ADAM28: variants seen among roughly 807,000 people sequenced by gnomAD.
The protein encoded by ADAM28 is disintegrin and metalloproteinase domain-containing protein 28.
In ADAM28, 105 loss-of-function variants were observed where a neutral mutation model predicts 101.2. The observed-to-expected ratio is 1.04, with a 90% CI of 0.89 to 1.22. The LOEUF is 1.22. ADAM28 is among the 50% of genes most tolerant of loss of function. The pLI, the probability that ADAM28 is intolerant of heterozygous loss-of-function variation, is 0.00. For missense variants in ADAM28, 1,028 were observed against 945.4 expected (o/e 1.09, Z -1.15); for synonymous variants, 322 against 310.6 (o/e 1.04, Z -0.39).
chr8:24,302,630 A>G (rs1285673652), intron 2 of ADAM28, among the ~76,000 whole-genome samples: 1 of 152,130 alleles, frequency 6.6e-6, no homozygotes, highest in Non-Finnish European at 1.5e-5. Context: ...AATAATCACC[A>G]TTCTGACTGG....
At chr8:24,331,588 G>A (rs140162764) in intron 12 of ADAM28, among the ~76,000 whole-genome samples, 36 of 151,824 alleles carry the variant, frequency 2.4e-4, no homozygotes, top group Admixed American at 7.2e-4. Context: ...TTGTGTCCTC[G>A]TCCCTCCCTT....
At chr8:24,314,039 G>A (rs1457058951) in intron 6 of ADAM28, among the ~76,000 whole-genome samples, 1 of 152,150 alleles carries the variant, frequency 6.6e-6, no homozygotes. Context: ...TTACAGGCAT[G>A]AGCCACCGCA....
chr8:24,336,980 C>T (rs1356216546), intron 14 of ADAM28, among the ~76,000 whole-genome samples: 1 of 152,118 alleles, frequency 6.6e-6, no homozygotes, highest in African/African-American at 2.4e-5. Context: ...AGAAACTTTT[C>T]ATAATTCCTG....
At chr8:24,345,053 C>T (rs1379249957) in intron 18 of ADAM28, among the ~76,000 whole-genome samples, 1 of 149,480 alleles carries the variant, frequency 6.7e-6, no homozygotes, top group African/African-American at 2.4e-5. Flanking sequence ...CAAGGCCAGA[C>T]TGATTTCTGT....
At chr8:24,325,844 T>C (rs1812466613) in intron 9 of ADAM28, among the ~76,000 whole-genome samples, 1 of 82,224 alleles carries the variant, frequency 1.2e-5, no homozygotes, top group South Asian at 3.7e-4. Flanking sequence ...CTAGAGACAA[T>C]TAAGGGCCAG....
rs1811340743 is a variant in ADAM28, at chr8:24,317,686, A to G, written c.577-2550A>G. Among the ~76,000 whole-genome samples, 3 of 152,148 alleles carry G rather than the reference A, an allele frequency of 2.0e-5. No homozygotes were observed. The South Asian group carries it at 6.2e-4, about 32-fold the overall frequency. On this transcript the variant is annotated intron_variant, in intron 6 of 22. Coordinates refer to ENST00000265769, the MANE Select transcript of ADAM28 (RefSeq NM_014265.6). ...TTATAAAAGTAAAATGTAAGAGACT[A>G]TATCAAACGAAAAAGCTTCTGCACA...
chr8:24,329,839 C>A, intron 10 of ADAM28, 146 bp from the exon 11 acceptor site: 1 of 839,508 alleles, frequency 1.2e-6, no homozygotes, highest in Non-Finnish European at 1.8e-6. Flanking sequence ...TACTCTCTCT[C>A]TCTTGCTCTG....
chr8:24,312,194 T>C (rs184807384), intron 5 of ADAM28, among the ~76,000 whole-genome samples: 1 of 152,186 alleles, frequency 6.6e-6, no homozygotes, highest in Admixed American at 6.6e-5. Flanking sequence ...CTTGATTATC[T>C]AATTTTCTTT....
intron 6 of ADAM28, among the ~76,000 whole-genome samples, chr8:24,313,947 G>A (rs1167718341): frequency 6.6e-6 from 1 of 151,980 alleles, no homozygotes; most frequent in Non-Finnish European, 1.5e-5. Context: ...AGTAGAGACA[G>A]GGTTTCACCA....
Position 24,354,481 on chromosome 8 carries a change from CTAT to C in ADAM28, c.*78_*80del. On this transcript the variant is annotated 3_prime_UTR_variant, in exon 23 of 23. Coordinates refer to ENST00000265769, the MANE Select transcript of ADAM28 (RefSeq NM_014265.6). Reference sequence around the variant, plus strand: ...AAAATCTGGATGGCAGAGAAATATACTATCTATCTCACCAGTATTTGCTCTCGA... The same window carrying C: ...AAAATCTGGATGGCAGAGAAATATACCTATCTCACCAGTATTTGCTCTCGA... 9 of 718 alleles carry C rather than the reference CTAT, an allele frequency of 0.013. No homozygotes were observed. In the East Asian group the frequency reaches 0.38, roughly 30 times the overall value. 0.0% of individuals were successfully genotyped at this position (718 alleles called of 1,614,324 possible).
At chr8:24,344,177 C>T (rs957175519) in intron 18 of ADAM28, among the ~76,000 whole-genome samples, 11 of 152,140 alleles carry the variant, frequency 7.2e-5, no homozygotes, top group Non-Finnish European at 1.3e-4. Context: ...GGCAGGTAGG[C>T]AGGTCTGCCT....
At chr8:24,295,424 C>T (rs891945726) in intron 1 of ADAM28, among the ~76,000 whole-genome samples, 5 of 152,128 alleles carry the variant, frequency 3.3e-5, no homozygotes, top group African/African-American at 1.2e-4. Context: ...AGGCATTTAA[C>T]ATTGACCTGA....
At chr8:24,302,103 C>A (rs1417258175) in intron 2 of ADAM28, among the ~76,000 whole-genome samples, 1 of 152,138 alleles carries the variant, frequency 6.6e-6, no homozygotes, top group Non-Finnish European at 1.5e-5. Flanking sequence ...GCCCCGCCGC[C>A]TACCACTCCT....
In ADAM28 at chr8:24,310,252, G is replaced by GTC. The variant is rs776034243; in HGVS notation, c.306+15_306+16dup. On this transcript the variant is annotated intron_variant, in intron 4 of 22. Transcript: ENST00000265769. ...AGCCCACAAATTATGGTATAACGGA[G>GTC]TCTCTTCAATTCTTTAATTAGGGTT... is the stretch of plus-strand genomic sequence containing the variant. The GTC allele has an allele frequency of 3.1e-6, 5 of 1,609,224 alleles. No homozygotes were observed. The South Asian group carries it at 4.4e-5, about 14-fold the overall frequency.
chr8:24,352,252 G>T (rs1262164854), intron 21 of ADAM28, among the ~76,000 whole-genome samples, 200 bp downstream of exon 21: 1 of 152,200 alleles, frequency 6.6e-6, no homozygotes, highest in African/African-American at 2.4e-5. Flanking sequence ...ATGCCAACTT[G>T]TGACAAGAAG....
At chr8:24,351,923 A>G (rs1816203855) in intron 20 of ADAM28, 64 bp from the exon 21 acceptor site, 5 of 1,569,160 alleles carry the variant, frequency 3.2e-6, no homozygotes, top group Non-Finnish European at 4.4e-6. Context: ...TTACTTAAAA[A>G]TTACTTAAAA....
chr8:24,308,266 T>C (rs1478451893), intron 2 of ADAM28, among the ~76,000 whole-genome samples: 1 of 152,168 alleles, frequency 6.6e-6, no homozygotes, highest in African/African-American at 2.4e-5. Context: ...CCTCAAACCT[T>C]GCTCTCCACC....
chr8:24,335,734 A>G (rs1813950394), intron 14 of ADAM28, 93 bp downstream of exon 14: 2 of 1,337,382 alleles, frequency 1.5e-6, no homozygotes, highest in East Asian at 2.8e-5. Flanking sequence ...ATTCTGTCCT[A>G]TCCTTCTTAG....
At chr8:24,313,758 A>T (rs199783259) in intron 6 of ADAM28, among the ~76,000 whole-genome samples, 178 bp downstream of exon 6, 3,795 of 139,240 alleles carry the variant, frequency 0.027, 76 homozygotes, top group East Asian at 0.097. Context: ...GGAATCAACT[A>T]TTTTTTTTTT....
Sources: gnomAD v4.1 joint callset for allele counts (sites outside exome capture counted in the v4.1 genomes callset) on GRCh38, gnomAD v4.1.1 for gene constraint, MANE v1.5 for transcripts, NCBI Gene and HGNC (gene_info 2026-07-23, HGNC 2026-07-21) for gene names.